POLDIP3: variants seen among roughly 807,000 people sequenced by gnomAD.
POLDIP3 encodes polymerase delta-interacting protein 3.
In POLDIP3, 14 loss-of-function variants were observed where a neutral mutation model predicts 45.1. The ratio of observed to expected loss-of-function variants is 0.31; its 90% CI spans 0.20 to 0.49. The LOEUF is 0.49. Ranked by LOEUF, POLDIP3 falls within the 20% of genes least tolerant of loss-of-function variation. The pLI, the probability that POLDIP3 is intolerant of heterozygous loss-of-function variation, is 0.99. For missense variants in POLDIP3, 511 were observed against 538.8 expected, an observed-to-expected ratio of 0.95 and a Z score of 0.51; for synonymous variants, 223 against 205.2, an observed-to-expected ratio of 1.09 and a Z score of -0.74.
chr22:42,603,147 G>A lies in POLDIP3; in HGVS notation c.73C>T (p.Pro25Ser). ...CGAGATCGGACACCTCCAACTCCCG[G>A]TCTGGCATTAAGCCTGTAAATATAA... ...AAAKGRLNARPGVGGVRSRVG... is the reference protein window; with the variant it reads ...AAAKGRLNARSGVGGVRSRVG... The change falls in exon 2 of 9, where the codon CCG becomes TCG. Residue 25 changes from proline to serine, a missense_variant. By Grantham distance (74) the Pro-to-Ser change is moderately conservative. Transcript: ENST00000252115. The A allele has an allele frequency of 6.2e-7, 1 of 1,613,918 alleles. No individual in the cohort carries two copies.
intron 8 of POLDIP3, 100 bp downstream of exon 8, chr22:42,587,406 G>T (rs1376922507): frequency 1.7e-6 from 2 of 1,210,718 alleles, no homozygotes; most frequent in South Asian, 1.3e-5. Context: ...GAAACGGAAT[G>T]GGGGGATGAA....
At chr22:42,599,526 C>A (rs1334247954) in intron 4 of POLDIP3, among the ~76,000 whole-genome samples, 172 bp downstream of exon 4, 1 of 152,202 alleles carries the variant, frequency 6.6e-6, no homozygotes, top group Non-Finnish European at 1.5e-5. Context: ...ATAGCTTGAA[C>A]CCAGGAGACG....
At chr22:42,593,817 C>T (rs1468533424) in intron 6 of POLDIP3, among the ~76,000 whole-genome samples, 2 of 152,310 alleles carry the variant, frequency 1.3e-5, no homozygotes, top group Non-Finnish European at 2.9e-5. Flanking sequence ...CTGCACCCGG[C>T]AATCAGCTTT....
In POLDIP3 at chr22:42,602,023, G is replaced by A. The variant is rs760133904; in HGVS notation, c.484C>T (p.Pro162Ser). 4.3e-6 allele frequency: 7 copies of A among 1,614,060 alleles called. No homozygotes were observed. In the South Asian group the frequency reaches 4.4e-5, roughly 10 times the overall value. Reference sequence around the variant, plus strand: ...TTGATTCTCATTCCGGCAGGATGGGGATGAAGTGGTGCCATGGCTTTCTGC... The same window carrying A: ...TTGATTCTCATTCCGGCAGGATGGGAATGAAGTGGTGCCATGGCTTTCTGC... ...PQQKAMAPLH[P>S]HPAGMRINVV... The change falls in exon 3 of 9, where the codon CCC becomes TCC. Residue 162 changes from proline (P) to serine (S), a missense_variant. Around this residue, in one of 4 missense-constraint regions of POLDIP3, gnomAD observed 378 missense variants for 352.3 expected, o/e 1.07. Transcript: ENST00000252115.
chr22:42,599,861 G>A, intron 3 of POLDIP3, 68 bp from the exon 4 acceptor site: 1 of 1,150,088 alleles, frequency 8.7e-7, no homozygotes. Context: ...ATCTAGAACA[G>A]GCATGGCAAG....
At position 42,602,955 on chromosome 22, in the gene POLDIP3, C is replaced by G; in HGVS notation, c.265G>C (p.Gly89Arg). The G allele has an allele frequency of 6.2e-7, 1 of 1,614,094 alleles. No individual in the cohort carries two copies. The highest frequency in any genetic ancestry group is 8.5e-7 in the Non-Finnish European group (1 of 1,180,006). Residue 89 changes from glycine (G) to arginine (R), a missense_variant, in exon 2 of 9, where the codon GGG becomes CGG. Gly to Arg is a moderately radical substitution (Grantham distance 125, BLOSUM62 -2). Transcript: ENST00000252115. ...LQKDARFRIK[G>R]KVQDAREMLN... ...ATCTCTCTGGCATCCTGCACTTTCC[C>G]TTTGATTCGAAATCGGGCATCTTTC... is the stretch of plus-strand genomic sequence containing the variant.
At position 42,585,985 on chromosome 22, in the gene POLDIP3, A is replaced by G. The variant is rs753678522; in HGVS notation, c.1089-17T>C. ...CTCAGCCGCCTGTGGAGAGCAGAGA[A>G]GAGTCAAAAATTCTTGTCAGTTTTT... On this transcript the variant is annotated splice_polypyrimidine_tract_variant and intron_variant, in intron 8 of 8. Transcript: ENST00000252115. 3.2e-6 allele frequency: 5 copies of G among 1,582,400 alleles called. No homozygotes were observed. The highest frequency in any genetic ancestry group is 4.3e-6 in the Non-Finnish European group (5 of 1,164,636).
At position 42,585,076 on chromosome 22, in the gene POLDIP3, C is replaced by G. The variant is rs1925212626; in HGVS notation, c.*715G>C. The G allele has an allele frequency of 1.1e-5, 5 of 448,292 alleles. No individual in the cohort carries two copies. Among genetic ancestry groups the G allele is most frequent in the Admixed American group, 9.8e-5 (4 of 40,910 alleles). The allele number at this position is 448,292 out of a possible 1,614,324, so 27.8% of individuals were successfully genotyped here. On this transcript the variant is annotated 3_prime_UTR_variant, in exon 9 of 9. Transcript: ENST00000252115. ...GAAGGGAAAGAGAGCTGGGGTGGGGCATTCAGCACAACTCAAGGAAAAGGG... is the reference window on the plus strand; with the variant it reads ...GAAGGGAAAGAGAGCTGGGGTGGGGGATTCAGCACAACTCAAGGAAAAGGG...
chr22:42,611,721 A>G (rs1927131040), intron 1 of POLDIP3, among the ~76,000 whole-genome samples: 1 of 152,064 alleles, frequency 6.6e-6, no homozygotes, highest in Non-Finnish European at 1.5e-5. Context: ...CTAAAAATAC[A>G]AAAAAATTAA....
At chr22:42,603,525 A>G (rs893163243) in intron 1 of POLDIP3, 1 of 208,858 alleles carries the variant, frequency 4.8e-6, no homozygotes, top group Non-Finnish European at 9.7e-6. Context: ...CTGAGGAGTA[A>G]CTTTAGTTTC....
chr22:42,588,112 T>A (rs1224046846), intron 7 of POLDIP3, among the ~76,000 whole-genome samples: 1 of 152,000 alleles, frequency 6.6e-6, no homozygotes, highest in Non-Finnish European at 1.5e-5. Context: ...TTAAAGGAAT[T>A]AAAATATTGG....
intron 7 of POLDIP3, 146 bp from the exon 8 acceptor site, chr22:42,587,718 T>C (rs1311718493): frequency 1.3e-6 from 1 of 757,980 alleles, no homozygotes; most frequent in African/African-American, 1.8e-5. Flanking sequence ...GCTGCTAGGT[T>C]CCAGTCAAGC....
chr22:42,591,932 G>A (rs1925690285), intron 7 of POLDIP3, 23 bp downstream of exon 7: 12 of 1,613,906 alleles, frequency 7.4e-6, no homozygotes, highest in Non-Finnish European at 1.0e-5. Flanking sequence ...GAGGGTCAGG[G>A]GACTGCTTTC....
intron 7 of POLDIP3, 101 bp downstream of exon 7, chr22:42,591,854 G>C: frequency 1.3e-6 from 2 of 1,493,888 alleles, no homozygotes; most frequent in South Asian, 1.2e-5. Flanking sequence ...CCCAGAGATG[G>C]GTTCCACCCA....
intron 6 of POLDIP3, among the ~76,000 whole-genome samples, chr22:42,594,106 C>A (rs181593454): frequency 6.6e-6 from 1 of 151,884 alleles, no homozygotes; most frequent in Non-Finnish European, 1.5e-5. Context: ...CTGAAAAATA[C>A]AAAAATTAGC....
chr22:42,602,881 C>A lies in POLDIP3; in HGVS notation c.339G>T (p.Gln113His), dbSNP rs1346785466. The change falls in exon 2 of 9, where the codon CAG becomes CAT. Residue 113 changes from glutamine to histidine, a missense_variant. Physicochemically the swap from Gln to His is conservative, Grantham distance 24. This residue lies in a region of POLDIP3 where 378 missense variants were observed against 352.3 expected (regional missense o/e 1.07). Coordinates refer to ENST00000252115, the MANE Select transcript of POLDIP3 (RefSeq NM_032311.5). ...TGATCTTCTCCCGGGCATCAGCAAC[C>A]TGGCGGGGCTTCTGGGGCACCGTGG... ...QQTTVPQKPR[Q>H]VADAREKISL... 9 of 1,613,686 alleles carry A rather than the reference C, an allele frequency of 5.6e-6. No individual in the cohort carries two copies. The highest frequency in any genetic ancestry group is 7.6e-6 in the Non-Finnish European group (9 of 1,179,992).
intron 4 of POLDIP3, chr22:42,597,864 T>TCCG (rs2146815198): frequency 2.5e-6 from 1 of 401,186 alleles, no homozygotes; most frequent in East Asian, 7.4e-5. Flanking sequence ...CACTGCAACC[T>TCCG]CCACCTCGGG....
At position 42,587,574 on chromosome 22, in the gene POLDIP3, TGA is replaced by T. The variant is rs746889272; in HGVS notation, c.1022-4_1022-3del. ...GAAGGTTGCACTTCATCGGCTGCCC[TGA>T]AAAACCAAAGAAAGAAAAAGGCTCT... On this transcript the variant is annotated splice_polypyrimidine_tract_variant and splice_region_variant and intron_variant, in intron 7 of 8. Transcript: ENST00000252115. The T allele has an allele frequency of 6.2e-7, 1 of 1,613,700 alleles. No homozygotes were observed. Among genetic ancestry groups the T allele is most frequent in the Non-Finnish European group, 8.5e-7 (1 of 1,179,594 alleles).
At chr22:42,592,340 A>G (rs1408170064) in intron 6 of POLDIP3, among the ~76,000 whole-genome samples, 3 of 152,266 alleles carry the variant, frequency 2.0e-5, no homozygotes, top group African/African-American at 7.2e-5. Flanking sequence ...GCAAGCCACC[A>G]CCAAAGTCTT....
Sources: allele counts gnomAD v4.1 joint callset (sites outside exome capture counted in the v4.1 genomes callset), GRCh38; gene constraint gnomAD v4.1.1; regional missense constraint gnomAD v4.1.1; transcripts MANE v1.5; gene names NCBI Gene and HGNC (gene_info 2026-07-23, HGNC 2026-07-21).